The following SYCE2 variants were observed in gnomAD, a reference collection of about 807,000 sequenced individuals.
The protein encoded by SYCE2 is central element synaptonemal complex 1.
Under a neutral mutation model 27.9 loss-of-function variants are expected in SYCE2, and 3 were observed. The ratio of observed to expected loss-of-function variants is 0.11; its 90% CI spans 0.05 to 0.28. The LOEUF is 0.28. Ranked by LOEUF, SYCE2 falls within the 10% of genes least tolerant of loss-of-function variation. SYCE2 has a pLI of 1.00. For synonymous variants in SYCE2, 85 were observed against 100.7 expected, an observed-to-expected ratio of 0.84 and a Z score of 0.93; for missense variants, 207 against 263.5, an observed-to-expected ratio of 0.79 and a Z score of 1.48.
intron 2 of SYCE2, among the ~76,000 whole-genome samples, chr19:12,906,823 G>A (rs1193717251): frequency 6.6e-6 from 1 of 150,800 alleles, no homozygotes; most frequent in Non-Finnish European, 1.5e-5. Flanking sequence ...TACAAGAATC[G>A]CTTGAACTCG....
intron 2 of SYCE2, among the ~76,000 whole-genome samples, chr19:12,908,546 C>G (rs1970984141): frequency 6.6e-6 from 1 of 151,980 alleles, no homozygotes; most frequent in Non-Finnish European, 1.5e-5. Context: ...GGATGGTTTC[C>G]ATCTCGTGAC....
chr19:12,908,678 T>C (rs2145973287), intron 2 of SYCE2, among the ~76,000 whole-genome samples: 1 of 152,118 alleles, frequency 6.6e-6, no homozygotes, highest in African/African-American at 2.4e-5. Context: ...GTAATCAGGT[T>C]CCTCCCCCGG....
rs201407990 is a variant in SYCE2, at chr19:12,899,453, A to G, written c.613-68T>C. 269 of 1,614,072 alleles carry G rather than the reference A, an allele frequency of 1.7e-4. 1 individual carries two copies. The highest frequency in any genetic ancestry group is 1.9e-4 in the Non-Finnish European group (225 of 1,180,020). ...TATGAAAACTCCAAACCGACTCTGTATTAATCTTGTCCAGGTACACATGAC... is the reference window on the plus strand; with the variant it reads ...TATGAAAACTCCAAACCGACTCTGTGTTAATCTTGTCCAGGTACACATGAC... On this transcript the variant is annotated intron_variant, in intron 5 of 5. Transcript: ENST00000293695.
At chr19:12,919,076 G>A (rs1392975260) in intron 1 of SYCE2, among the ~76,000 whole-genome samples, 167 bp downstream of exon 1, 2 of 152,076 alleles carry the variant, frequency 1.3e-5, no homozygotes, top group East Asian at 1.9e-4. Context: ...AGTCAGGGCC[G>A]GGTTCAGTCA....
Position 12,899,994 on chromosome 19 carries a change from T to C in SYCE2, c.612+10A>G. ...ACCCCAAGGTGTCAGGCCGGTTTACTGGTAACCACCTGAGAAGTAGTTTCA... is the reference window on the plus strand; with the variant it reads ...ACCCCAAGGTGTCAGGCCGGTTTACCGGTAACCACCTGAGAAGTAGTTTCA... On this transcript the variant is annotated intron_variant, in intron 5 of 5. Transcript: ENST00000293695. 1.1e-5 allele frequency: 17 copies of C among 1,612,998 alleles called. No individual in the cohort carries two copies. The highest frequency in any genetic ancestry group is 1.4e-5 in the Non-Finnish European group (17 of 1,179,934).
At chr19:12,902,420 G>A (rs1336173015) in intron 3 of SYCE2, among the ~76,000 whole-genome samples, 1 of 152,098 alleles carries the variant, frequency 6.6e-6, no homozygotes, top group Admixed American at 6.6e-5. Flanking sequence ...GCAGGGTGAG[G>A]AGTTCAAGAC....
chr19:12,911,311 T>C (rs1971041722), intron 2 of SYCE2, among the ~76,000 whole-genome samples: 1 of 152,190 alleles, frequency 6.6e-6, no homozygotes, highest in Admixed American at 6.5e-5. Context: ...TTCCTACTCC[T>C]GTTTGTTAGC....
intron 2 of SYCE2, among the ~76,000 whole-genome samples, chr19:12,915,457 C>T (rs1387737813): frequency 6.6e-6 from 1 of 151,760 alleles, no homozygotes; most frequent in African/African-American, 2.4e-5. Flanking sequence ...AAAAAAAAAG[C>T]CAGGCCTGGT....
At chr19:12,908,813 C>G (rs1374805009) in intron 2 of SYCE2, among the ~76,000 whole-genome samples, 4 of 152,180 alleles carry the variant, frequency 2.6e-5, no homozygotes. Context: ...CCCTGCTACT[C>G]CCGACATGTG....
At chr19:12,905,866 C>T (rs1328099822) in intron 2 of SYCE2, among the ~76,000 whole-genome samples, 1 of 152,128 alleles carries the variant, frequency 6.6e-6, no homozygotes, top group Non-Finnish European at 1.5e-5. Context: ...TCTCAAACTT[C>T]TGGCCTCCCA....
At chr19:12,899,621 G>A in intron 5 of SYCE2, 1 of 1,613,098 alleles carries the variant, frequency 6.2e-7, no homozygotes, top group Non-Finnish European at 8.5e-7. Context: ...GCTGTGCTCT[G>A]AGCTTAGAAA....
chr19:12,909,815 C>T (rs1227182672), intron 2 of SYCE2, among the ~76,000 whole-genome samples: 1 of 152,048 alleles, frequency 6.6e-6, no homozygotes, highest in East Asian at 1.9e-4. Context: ...ATCCGCCCTC[C>T]TCGGCCTCTC....
intron 2 of SYCE2, among the ~76,000 whole-genome samples, chr19:12,917,658 G>GTTTTTTTTTTT (rs1568440332): frequency 8.5e-4 from 29 of 33,956 alleles, no homozygotes; most frequent in East Asian, 2.9e-3. Flanking sequence ...ACCATTCCTG[G>GTTTTTTTTTTT]CTTTTTTTTT....
chr19:12,916,260 A>T (rs771846677), intron 2 of SYCE2, among the ~76,000 whole-genome samples: 3 of 151,884 alleles, frequency 2.0e-5, no homozygotes, highest in Non-Finnish European at 2.9e-5. Flanking sequence ...TAGTAGAAAC[A>T]GGGTTTCACT....
chr19:12,910,472 G>A (rs372483289), intron 2 of SYCE2, among the ~76,000 whole-genome samples: 2 of 151,332 alleles, frequency 1.3e-5, no homozygotes, highest in Admixed American at 6.6e-5. Flanking sequence ...TCCTGGGCTC[G>A]AGTCATTCTC....
At chr19:12,903,414 C>T (rs1300764910) in intron 3 of SYCE2, among the ~76,000 whole-genome samples, 1 of 124,074 alleles carries the variant, frequency 8.1e-6, no homozygotes, top group Non-Finnish European at 1.6e-5. Flanking sequence ...TTTTTTGAGA[C>T]GGAGTCTCAC....
intron 2 of SYCE2, among the ~76,000 whole-genome samples, chr19:12,912,264 A>G (rs1425138244): frequency 5.9e-5 from 9 of 151,576 alleles, no homozygotes; most frequent in Non-Finnish European, 1.3e-4. Flanking sequence ...CAGCCCCTCC[A>G]TCTGCAGCAA....
intron 2 of SYCE2, among the ~76,000 whole-genome samples, chr19:12,912,873 C>G (rs1971072490): frequency 6.6e-6 from 1 of 151,834 alleles, no homozygotes; most frequent in African/African-American, 2.4e-5. Context: ...CTTTATTTTT[C>G]CAACCTCTCC....
intron 2 of SYCE2, among the ~76,000 whole-genome samples, chr19:12,908,687 G>A (rs763110374): frequency 2.7e-4 from 41 of 151,966 alleles, no homozygotes; most frequent in African/African-American, 9.7e-4. Context: ...TTCCTCCCCC[G>A]GTTCTCAAAT....
Sources: gnomAD v4.1 joint callset for allele counts (sites outside exome capture counted in the v4.1 genomes callset) on GRCh38, gnomAD v4.1.1 for gene constraint, MANE v1.5 for transcripts, NCBI Gene and HGNC (gene_info 2026-07-23, HGNC 2026-07-21) for gene names.